The following TRDN variants were observed in gnomAD, a reference collection of about 807,000 sequenced individuals.
TRDN encodes the protein triadin in skeletal muscle.
Under a neutral mutation model 149.7 loss-of-function variants are expected in TRDN, and 161 were observed. The ratio of observed to expected loss-of-function variants is 1.08; its 90% CI spans 0.95 to 1.23. The LOEUF (loss-of-function observed/expected upper bound fraction) is 1.23. TRDN is among the 50% of genes most tolerant of loss of function. The pLI, the probability that TRDN is intolerant of heterozygous loss-of-function variation, is 0.00. For synonymous variants in TRDN, 294 were observed against 250.5 expected (o/e 1.17, Z -1.64); for missense variants, 896 against 823.5 (o/e 1.09, Z -1.08).
At chr6:123,583,273 G>A (rs1029694731) in intron 1 of TRDN, among the ~76,000 whole-genome samples, 1 of 152,004 alleles carries the variant, frequency 6.6e-6, no homozygotes, top group East Asian at 1.9e-4. Flanking sequence ...ATAGGAGTAT[G>A]ACTAGACAGA....
intron 16 of TRDN, among the ~76,000 whole-genome samples, chr6:123,380,725 T>TTTTGC: frequency 6.6e-6 from 1 of 151,962 alleles, no homozygotes; most frequent in African/African-American, 2.4e-5. Flanking sequence ...TTTTTTTTTT[T>TTTTGC]TTTGCTTTCT....
intron 4 of TRDN, among the ~76,000 whole-genome samples, chr6:123,536,188 C>G (rs1185941079): frequency 6.6e-6 from 1 of 152,150 alleles, no homozygotes; most frequent in East Asian, 1.9e-4. Flanking sequence ...TTATTTGTCT[C>G]TCTCACTAAA....
chr6:123,405,541 A>G (rs1773159382), intron 12 of TRDN, among the ~76,000 whole-genome samples: 1 of 152,198 alleles, frequency 6.6e-6, no homozygotes, highest in Non-Finnish European at 1.5e-5. Flanking sequence ...TACATTTTTG[A>G]AGACTTTAGC....
intron 10 of TRDN, among the ~76,000 whole-genome samples, chr6:123,442,655 T>A (rs1774993744): frequency 6.6e-6 from 1 of 151,750 alleles, no homozygotes; most frequent in African/African-American, 2.4e-5. Flanking sequence ...AAAATAATGA[T>A]AATAATGACA....
At chr6:123,470,158 C>T (rs917641698) in intron 9 of TRDN, 15 of 151,768 alleles carry the variant, frequency 9.9e-5, no homozygotes, top group African/African-American at 3.4e-4. Flanking sequence ...TTTCTATTTT[C>T]TCTTCTTTTA....
intron 38 of TRDN, among the ~76,000 whole-genome samples, chr6:123,237,415 A>G (rs1775827362): frequency 6.6e-6 from 1 of 151,954 alleles, no homozygotes; most frequent in South Asian, 2.1e-4. Context: ...ATGCCCGGCT[A>G]ATTTTTGTAT....
At chr6:123,492,690 G>C (rs1264971470) in intron 9 of TRDN, among the ~76,000 whole-genome samples, 1 of 152,042 alleles carries the variant, frequency 6.6e-6, no homozygotes, top group Non-Finnish European at 1.5e-5. Flanking sequence ...GGTTGATAAA[G>C]ATAAATAAAT....
chr6:123,448,913 C>T (rs752560169), intron 10 of TRDN, among the ~76,000 whole-genome samples: 24 of 152,124 alleles, frequency 1.6e-4, no homozygotes, highest in Non-Finnish European at 2.6e-4. Flanking sequence ...GCAGACAACC[C>T]CAGTACCAGC....
At chr6:123,482,319 A>C (rs1283114447) in intron 9 of TRDN, among the ~76,000 whole-genome samples, 1 of 152,214 alleles carries the variant, frequency 6.6e-6, no homozygotes, top group Non-Finnish European at 1.5e-5. Flanking sequence ...ATGTAACATA[A>C]ACTGAAATAT....
chr6:123,636,646 C>A lies in TRDN; in HGVS notation c.22+108G>T, dbSNP rs1786332523. The A allele has an allele frequency of 6.1e-6, 8 of 1,309,410 alleles. No homozygotes were observed. In the Admixed American group the frequency reaches 1.4e-4, roughly 23 times the overall value. 81.1% of individuals were successfully genotyped at this position (1,309,410 alleles called of 1,614,324 possible). A position where few individuals can be genotyped will look rare whatever the true frequency, so the allele number is the denominator to read the frequency against. On this transcript the variant is annotated intron_variant, in intron 1 of 40. Coordinates refer to ENST00000334268, the MANE Select transcript of TRDN (RefSeq NM_006073.4). ...TCCTGTATAGAATCATTGACCAAGG[C>A]AATTACCTTAAAGCAACATTTTAAA...
At position 123,420,514 on chromosome 6, in the gene TRDN, G is replaced by C. The variant is rs1773853245; in HGVS notation, c.1051+17549C>G. ...GCAATGTGTTTGAAAAGCTAATTAA[G>C]ACTCCACATACAGCAGAGGAGACTG... On this transcript the variant is annotated intron_variant, in intron 12 of 40. Coordinates refer to ENST00000334268, the MANE Select transcript of TRDN (RefSeq NM_006073.4). Among the ~76,000 whole-genome samples, 3 of 152,170 alleles carry C rather than the reference G, an allele frequency of 2.0e-5. No individual in the cohort carries two copies. In the South Asian group the frequency reaches 6.2e-4, roughly 32 times the overall value.
chr6:123,281,246 G>A (rs1006939580), intron 24 of TRDN, among the ~76,000 whole-genome samples: 1 of 151,932 alleles, frequency 6.6e-6, no homozygotes, highest in Non-Finnish European at 1.5e-5. Flanking sequence ...TGTTTCCTGG[G>A]TTCTCAGAAC....
intron 24 of TRDN, among the ~76,000 whole-genome samples, chr6:123,292,252 C>T (rs1778036272): frequency 6.6e-6 from 1 of 152,108 alleles, no homozygotes. Context: ...AGTGGGACCC[C>T]CATGGCTGGG....
intron 5 of TRDN, among the ~76,000 whole-genome samples, chr6:123,520,422 C>G (rs921135129): frequency 1.3e-5 from 2 of 152,104 alleles, no homozygotes; most frequent in Non-Finnish European, 2.9e-5. Flanking sequence ...CCAGGACTCT[C>G]CTTCAAAACT....
chr6:123,351,368 A>C, intron 21 of TRDN: 2 of 982,722 alleles, frequency 2.0e-6, no homozygotes, highest in South Asian at 9.4e-5. Flanking sequence ...ATTTAGACTC[A>C]GGAACACGCA....
At chr6:123,370,396 A>G (rs964656555) in intron 19 of TRDN, among the ~76,000 whole-genome samples, 6 of 152,178 alleles carry the variant, frequency 3.9e-5, no homozygotes, top group African/African-American at 1.4e-4. Flanking sequence ...TTTTTGAGAT[A>G]TAACTATGTT....
At chr6:123,275,912 C>T (rs1373183043) in intron 26 of TRDN, among the ~76,000 whole-genome samples, 1 of 152,088 alleles carries the variant, frequency 6.6e-6, no homozygotes, top group Non-Finnish European at 1.5e-5. Context: ...ATTTCTTATA[C>T]TTCTAGAGAC....
At chr6:123,633,821 A>G (rs1414628984) in intron 1 of TRDN, among the ~76,000 whole-genome samples, 1 of 151,946 alleles carries the variant, frequency 6.6e-6, no homozygotes, top group East Asian at 1.9e-4. Flanking sequence ...CAACTAGGTG[A>G]GGTTATAGGC....
intron 9 of TRDN, chr6:123,470,214 T>A (rs1429721716): frequency 6.6e-6 from 1 of 152,178 alleles, no homozygotes; most frequent in Non-Finnish European, 1.5e-5. Context: ...TATATAGGAC[T>A]TCCTCTGAGG....
Sources: gnomAD v4.1 joint callset for allele counts (sites outside exome capture counted in the v4.1 genomes callset) on GRCh38, gnomAD v4.1.1 for gene constraint, MANE v1.5 for transcripts, NCBI Gene and HGNC (gene_info 2026-07-23, HGNC 2026-07-21) for gene names.